MRTFA: variants seen among roughly 807,000 people sequenced by gnomAD.
MRTFA encodes myocardin-related transcription factor A.
Under a neutral mutation model 83.5 loss-of-function variants are expected in MRTFA, and 20 were observed. The observed-to-expected ratio is 0.24, with a 90% CI of 0.17 to 0.35. The LOEUF is 0.35. MRTFA is among the 10% of genes least tolerant of loss of function. The pLI, the probability that MRTFA is intolerant of heterozygous loss-of-function variation, is 1.00. For synonymous variants in MRTFA, 659 were observed against 541.2 expected (o/e 1.22, Z -3.02); for missense variants, 1,200 against 1,224.7 (o/e 0.98, Z 0.30).
Position 40,473,819 on chromosome 22 carries a change from A to C in MRTFA, c.242-10533T>G, listed in dbSNP as rs546397657. Among the ~76,000 whole-genome samples the C allele has an allele frequency of 2.0e-5, 3 of 152,348 alleles. No individual in the cohort carries two copies. The South Asian group carries it at 6.2e-4, about 32-fold the overall frequency. On this transcript the variant is annotated intron_variant, in intron 3 of 14. Coordinates refer to ENST00000355630, the MANE Select transcript of MRTFA (RefSeq NM_020831.6). ...ATCCTATATGCCTGAAAAATCATTT[A>C]GTGGCATCCAAATTGTAAAACCACA...
chr22:40,549,532 T>C (rs1186428846), intron 3 of MRTFA, among the ~76,000 whole-genome samples: 1 of 152,134 alleles, frequency 6.6e-6, no homozygotes, highest in East Asian at 1.9e-4. Flanking sequence ...AAAATCAGGA[T>C]GGTAGTTTCC....
chr22:40,527,131 T>TACACAC (rs35912231), intron 3 of MRTFA, among the ~76,000 whole-genome samples: 62 of 146,472 alleles, frequency 4.2e-4, no homozygotes, highest in South Asian at 2.4e-3. Flanking sequence ...GCCTCAAAGA[T>TACACAC]ACACACACAC....
rs148838617 is a variant in MRTFA, at chr22:40,618,070, G to A, written c.-84+18408C>T. Among the ~76,000 whole-genome samples, 221 of 148,378 alleles carry A rather than the reference G, an allele frequency of 1.5e-3. 7 individuals carry two copies. In the East Asian group the frequency reaches 0.035, roughly 24 times the overall value. On this transcript the variant is annotated intron_variant, in intron 1 of 14. Transcript: ENST00000355630. ...GGAATGCCAGGGATTGAGGAGTAAG[G>A]TTGTTTTTTGTTTTTTTTTTTTGAG...
chr22:40,413,458 C>A (rs545317471), intron 14 of MRTFA, among the ~76,000 whole-genome samples: 2 of 151,900 alleles, frequency 1.3e-5, no homozygotes, highest in East Asian at 3.9e-4. Context: ...TCCTGCCTCA[C>A]CCTCCTGAGA....
At chr22:40,415,606 C>A (rs1207885481) in intron 14 of MRTFA, among the ~76,000 whole-genome samples, 3 of 152,184 alleles carry the variant, frequency 2.0e-5, no homozygotes, top group South Asian at 2.1e-4. Context: ...CCTGCTGCCG[C>A]CAGTGAGCTC....
chr22:40,467,906 T>A (rs2053836231), intron 3 of MRTFA, among the ~76,000 whole-genome samples: 2 of 152,200 alleles, frequency 1.3e-5, no homozygotes, highest in Non-Finnish European at 1.5e-5. Flanking sequence ...TATACATAGA[T>A]GAACAGATGT....
chr22:40,552,251 C>G lies in MRTFA; in HGVS notation c.96G>C (p.Val32=). The G allele has an allele frequency of 2.5e-6, 1 of 399,050 alleles. No individual in the cohort carries two copies. Among genetic ancestry groups the G allele is most frequent in the South Asian group, 1.3e-4 (1 of 7,850 alleles). The allele number at this position is 399,050 out of a possible 1,614,324, so 24.7% of individuals were successfully genotyped here. Residue 32 remains valine, a synonymous_variant, in exon 3 of 15, where the codon GTG becomes GTC. Transcript: ENST00000355630. ...TGGGTGCCGCAGATAAGGACACGAG[C>G]ACTGGTTCATCATCATTTTCGCCGG...
At chr22:40,592,410 A>T (rs138204355) in intron 2 of MRTFA, among the ~76,000 whole-genome samples, 173 of 151,652 alleles carry the variant, frequency 1.1e-3, no homozygotes, top group African/African-American at 4.1e-3. Flanking sequence ...AATGTTCCAC[A>T]CTGCACTCCA....
chr22:40,519,470 T>C (rs1411853257), intron 3 of MRTFA: 2 of 1,340,556 alleles, frequency 1.5e-6, no homozygotes, highest in Non-Finnish European at 2.0e-6. Context: ...CTACCAGTGC[T>C]GCCCTCTCTT....
chr22:40,493,799 C>A (rs2054307844), intron 3 of MRTFA, among the ~76,000 whole-genome samples: 1 of 152,204 alleles, frequency 6.6e-6, no homozygotes, highest in Admixed American at 6.5e-5. Flanking sequence ...ACCCAGTAAT[C>A]CTATTCCTGA....
At chr22:40,549,547 A>G (rs1441135576) in intron 3 of MRTFA, among the ~76,000 whole-genome samples, 5 of 152,222 alleles carry the variant, frequency 3.3e-5, no homozygotes. Context: ...GTTTCCTTTG[A>G]GCAAGGGGAA....
intron 3 of MRTFA, among the ~76,000 whole-genome samples, chr22:40,542,423 A>C (rs927367184): frequency 1.3e-5 from 2 of 151,478 alleles, no homozygotes; most frequent in Admixed American, 1.3e-4. Context: ...AGCTCATCTA[A>C]CTCTTTGTTG....
In MRTFA at chr22:40,420,563, C is replaced by A. The variant is rs1384027690; in HGVS notation, c.1195G>T (p.Ala399Ser). The change falls in exon 11 of 15, where the codon GCC becomes TCC. Residue 399 changes from alanine to serine, a missense_variant. Around this residue, in one of 2 missense-constraint regions of MRTFA, gnomAD observed 1,107 missense variants for 1,041.8 expected, o/e 1.06. Transcript: ENST00000355630. ...GGGGGGGTCCCGCTGCTTCCCAGGGCCTCGCCTGCTGACCTGGGAAGAAAA... is the reference window on the plus strand; with the variant it reads ...GGGGGGGTCCCGCTGCTTCCCAGGGACTCGCCTGCTGACCTGGGAAGAAAA... 1.2e-6 allele frequency: 2 copies of A among 1,613,306 alleles called. No homozygotes were observed. Among genetic ancestry groups the A allele is most frequent in the Non-Finnish European group, 1.7e-6 (2 of 1,179,922 alleles).
chr22:40,634,197 CCAGCCT>C lies in MRTFA; in HGVS notation c.-84+2275_-84+2280del, dbSNP rs577784140. ...CAAACTCCTGGGCTCAAGGGATCCT[CCAGCCT>C]CAGCCTCCTGAGTAGCTGGGACTAC... is the stretch of plus-strand genomic sequence containing the variant. On this transcript the variant is annotated intron_variant, in intron 1 of 14. Coordinates refer to ENST00000355630, the MANE Select transcript of MRTFA (RefSeq NM_020831.6). Among the ~76,000 whole-genome samples the C allele has an allele frequency of 7.9e-5, 12 of 152,160 alleles. No homozygotes were observed. The East Asian group carries it at 1.5e-3, about 20-fold the overall frequency.
intron 1 of MRTFA, among the ~76,000 whole-genome samples, chr22:40,599,447 C>T (rs942629246): frequency 2.0e-5 from 3 of 152,100 alleles, no homozygotes; most frequent in African/African-American, 7.2e-5. Context: ...ATAATTTTTA[C>T]AATCTAAGAT....
intron 3 of MRTFA, among the ~76,000 whole-genome samples, chr22:40,476,102 C>T (rs2053991303): frequency 6.6e-6 from 1 of 151,392 alleles, no homozygotes; most frequent in Admixed American, 6.6e-5. Flanking sequence ...TGAGATCGCG[C>T]CACTGCACTC....
At chr22:40,559,822 G>A (rs2055587549) in intron 2 of MRTFA, among the ~76,000 whole-genome samples, 1 of 152,226 alleles carries the variant, frequency 6.6e-6, no homozygotes, top group African/African-American at 2.4e-5. Context: ...CCCCATGGTT[G>A]TGCCTACTAC....
chr22:40,611,538 C>T (rs1307823396), intron 1 of MRTFA, among the ~76,000 whole-genome samples: 1 of 152,148 alleles, frequency 6.6e-6, no homozygotes, highest in Non-Finnish European at 1.5e-5. Context: ...AGCCACTGCG[C>T]CCTGCCCAAA....
rs1343433397 is a variant in MRTFA at position 40,552,380 on chromosome 22, G to GA, written c.-21-14dup. On this transcript the variant is annotated splice_polypyrimidine_tract_variant and intron_variant, in intron 2 of 14. Coordinates refer to ENST00000355630, the MANE Select transcript of MRTFA (RefSeq NM_020831.6). Reference sequence around the variant, plus strand: ...TCGTGATGGCAATCTGGAAATGGAAGAAAAAATGGAAAGTTTAGATGGTAC... The same window carrying GA: ...TCGTGATGGCAATCTGGAAATGGAAGAAAAAAATGGAAAGTTTAGATGGTAC... 15 of 398,118 alleles carry GA rather than the reference G, an allele frequency of 3.8e-5. No individual in the cohort carries two copies. Among genetic ancestry groups the GA allele is most frequent in the African/African-American group, 8.2e-5 (4 of 48,604 alleles). 24.7% of individuals were successfully genotyped at this position (398,118 alleles called of 1,614,324 possible). A position where few individuals can be genotyped will look rare whatever the true frequency, so the allele number is the denominator to read the frequency against.
Sources: allele counts gnomAD v4.1 joint callset (sites outside exome capture counted in the v4.1 genomes callset), GRCh38; gene constraint gnomAD v4.1.1; regional missense constraint gnomAD v4.1.1; transcripts MANE v1.5; gene names NCBI Gene and HGNC (gene_info 2026-07-23, HGNC 2026-07-21).